Variants in NSFL1C observed in about 807,000 individuals in gnomAD.
The protein encoded by NSFL1C is NSFL1 cofactor p47.
NSFL1C carries 14 observed loss-of-function variants against 43.1 expected under a neutral mutation model. That is an observed-to-expected ratio of 0.32 (90% CI 0.21 to 0.51). The LOEUF (loss-of-function observed/expected upper bound fraction) is 0.51. Among genes scored for constraint, NSFL1C ranks in the 20% least tolerant of loss-of-function variants. The pLI is 0.98. For missense variants in NSFL1C, 406 were observed against 472.5 expected, an observed-to-expected ratio of 0.86 and a Z score of 1.30; for synonymous variants, 171 against 183.5, an observed-to-expected ratio of 0.93 and a Z score of 0.55.
chr20:1,461,931 C>T (rs1189635647), intron 2 of NSFL1C, among the ~76,000 whole-genome samples: 2 of 152,192 alleles, frequency 1.3e-5, no homozygotes, highest in Non-Finnish European at 2.9e-5. Context: ...CAATGGTTAA[C>T]ATTTTTATGT....
chr20:1,451,718 C>T (rs1381332888), intron 7 of NSFL1C, among the ~76,000 whole-genome samples: 2 of 152,138 alleles, frequency 1.3e-5, no homozygotes, highest in Non-Finnish European at 1.5e-5. Context: ...TATGGGCTGG[C>T]CAAGAGTCTG....
At chr20:1,443,979 C>A in intron 8 of NSFL1C, 68 bp from the exon 9 acceptor site, 1 of 1,486,246 alleles carries the variant, frequency 6.7e-7, no homozygotes, top group Non-Finnish European at 9.1e-7. Context: ...CTGTGGAAAG[C>A]TAAACACCTC....
chr20:1,442,769 G>A lies in NSFL1C; in HGVS notation c.*980C>T, dbSNP rs961369232. 3.3e-5 allele frequency: 5 copies of A among 152,236 alleles called. No individual in the cohort carries two copies. Among genetic ancestry groups the A allele is most frequent in the African/African-American group, 1.2e-4 (5 of 41,452 alleles). The allele number at this position is 152,236 out of a possible 1,614,324, so 9.4% of individuals were successfully genotyped here. ...AAAACATACCCAGCAGAAGCCTCCT[G>A]CAAGTACCAACAGTGACAGGTGCTT... is the stretch of plus-strand genomic sequence containing the variant. On this transcript the variant is annotated 3_prime_UTR_variant, in exon 9 of 9. Transcript: ENST00000216879.
chr20:1,445,549 G>A, intron 8 of NSFL1C, 117 bp downstream of exon 8: 1 of 1,194,802 alleles, frequency 8.4e-7, no homozygotes, highest in South Asian at 1.4e-5. Flanking sequence ...CTGCTTTGGG[G>A]AAAGCATGGA....
In NSFL1C at chr20:1,443,119, TGGCAA is replaced by T. The variant is rs1215029452; in HGVS notation, c.*625_*629del. The T allele has an allele frequency of 6.6e-6, 1 of 152,256 alleles. No individual in the cohort carries two copies. Among genetic ancestry groups the T allele is most frequent in the Non-Finnish European group, 1.5e-5 (1 of 68,102 alleles). 9.4% of individuals were successfully genotyped at this position (152,256 alleles called of 1,614,324 possible). A position where few individuals can be genotyped will look rare whatever the true frequency, so the allele number is the denominator to read the frequency against. Reference sequence around the variant, plus strand: ...AACAGAATCTCAACTGGCCAAGACCTGGCAAGATTAGATACCCCAGGGGTTGAGTA... The same window carrying T: ...AACAGAATCTCAACTGGCCAAGACCTGATTAGATACCCCAGGGGTTGAGTA... On this transcript the variant is annotated 3_prime_UTR_variant, in exon 9 of 9. Coordinates refer to ENST00000216879, the MANE Select transcript of NSFL1C (RefSeq NM_016143.5).
intron 7 of NSFL1C, among the ~76,000 whole-genome samples, chr20:1,450,753 G>C (rs998136920): frequency 9.9e-5 from 15 of 152,214 alleles, no homozygotes; most frequent in African/African-American, 3.4e-4. Flanking sequence ...AGTGTACAAA[G>C]ATTTAATCAC....
chr20:1,458,922 A>G (rs1396373499), intron 2 of NSFL1C, among the ~76,000 whole-genome samples: 1 of 152,090 alleles, frequency 6.6e-6, no homozygotes, highest in Admixed American at 6.6e-5. Flanking sequence ...TTATTTTTAG[A>G]AAAAAAGCAG....
intron 7 of NSFL1C, among the ~76,000 whole-genome samples, chr20:1,451,838 A>G (rs963897617): frequency 2.0e-5 from 3 of 152,250 alleles, no homozygotes; most frequent in African/African-American, 7.2e-5. Flanking sequence ...AGGAGTGAGA[A>G]GGCAGTAGCA....
intron 7 of NSFL1C, among the ~76,000 whole-genome samples, chr20:1,449,609 G>A (rs1488911360): frequency 6.6e-6 from 1 of 152,196 alleles, no homozygotes; most frequent in East Asian, 1.9e-4. Context: ...CTGCAGCTGT[G>A]AGGGTGCTTG....
chr20:1,455,049 T>A lies in NSFL1C; in HGVS notation c.362A>T (p.Asp121Val). Residue 121 changes from aspartate to valine, a missense_variant, in exon 4 of 9, where the codon GAT becomes GTT. Around this residue, in one of 3 missense-constraint regions of NSFL1C, gnomAD observed 203 missense variants for 216.3 expected, o/e 0.94. Transcript: ENST00000216879. ...ATGCTCTTTGGCACCTTTAAAGAGA[T>A]CATCCACCAGCTCGTTGGGACTTTT... ...RKKSPNELVD[D>V]LFKGAKEHGA... 6.2e-7 allele frequency: 1 copy of A among 1,614,132 alleles called. No individual in the cohort carries two copies. The highest frequency in any genetic ancestry group is 2.2e-5 in the East Asian group (1 of 44,878).
intron 5 of NSFL1C, among the ~76,000 whole-genome samples, chr20:1,453,425 G>A (rs964922969): frequency 6.6e-6 from 1 of 152,176 alleles, no homozygotes; most frequent in African/African-American, 2.4e-5. Flanking sequence ...CTCTGGGCAG[G>A]TGACTCAATC....
At chr20:1,458,376 G>C in intron 2 of NSFL1C, 102 bp from the exon 3 acceptor site, 2 of 914,038 alleles carry the variant, frequency 2.2e-6, no homozygotes, top group Non-Finnish European at 3.6e-6. Context: ...TTACATTTTT[G>C]GTAGGCGAGA....
rs1463116009 is a variant in NSFL1C, at chr20:1,453,147, T to C, written c.538-7A>G. The stretch of plus-strand genomic sequence containing the variant: ...GTTTCAATACTACATGAACCTGTGA[T>C]GACAGGGAGTAAACAGTTACCAGGG... On this transcript the variant is annotated splice_polypyrimidine_tract_variant and splice_region_variant and intron_variant, in intron 5 of 8. Transcript: ENST00000216879. 6.0e-6 allele frequency: 9 copies of C among 1,491,922 alleles called. No individual in the cohort carries two copies. Among genetic ancestry groups the C allele is most frequent in the Non-Finnish European group, 7.5e-6 (8 of 1,068,626 alleles). 92.4% of individuals were successfully genotyped at this position (1,491,922 alleles called of 1,614,324 possible).
chr20:1,444,110 A>G (rs1337776078), intron 8 of NSFL1C, among the ~76,000 whole-genome samples, 199 bp from the exon 9 acceptor site: 1 of 152,128 alleles, frequency 6.6e-6, no homozygotes, highest in Non-Finnish European at 1.5e-5. Flanking sequence ...TGAGATAAAC[A>G]CCAACAACCC....
At position 1,464,962 on chromosome 20, in the gene NSFL1C, C is replaced by T. The variant is rs542121871; in HGVS notation, c.106-536G>A. ...TTCCAGTACAGCCCGGAGTCAGGAA[C>T]TGTGGAGTCAGTCCAGGTTGCTACT... On this transcript the variant is annotated intron_variant, in intron 1 of 8. Transcript: ENST00000216879. 8.5e-5 allele frequency among the ~76,000 whole-genome samples: 13 copies of T among 152,318 alleles called. No individual in the cohort carries two copies. In the South Asian group the frequency reaches 2.7e-3, roughly 32 times the overall value.
At chr20:1,460,155 A>G (rs1363914011) in intron 2 of NSFL1C, among the ~76,000 whole-genome samples, 1 of 152,110 alleles carries the variant, frequency 6.6e-6, no homozygotes, top group Non-Finnish European at 1.5e-5. Flanking sequence ...CACAGCACCA[A>G]CCTATGGGCT....
At chr20:1,454,550 AG>A in intron 4 of NSFL1C, among the ~76,000 whole-genome samples, 1 of 152,388 alleles carries the variant, frequency 6.6e-6, no homozygotes, top group East Asian at 1.9e-4. Context: ...GCCTGGCTAA[AG>A]GAAACAGATG....
chr20:1,451,306 A>C (rs1327078236), intron 7 of NSFL1C, among the ~76,000 whole-genome samples: 1 of 152,240 alleles, frequency 6.6e-6, no homozygotes, highest in African/African-American at 2.4e-5. Context: ...CAGGCAGGTA[A>C]GGGATTCCAG....
rs762007821 is a variant in NSFL1C at position 1,455,026 on chromosome 20, G to A, written c.385C>T (p.His129Tyr). Residue 129 changes from histidine to tyrosine, a missense_variant, in exon 4 of 9, where the codon CAT (histidine) becomes TAT (tyrosine). By Grantham distance (83) the His-to-Tyr change is moderately conservative. This residue lies in a region of NSFL1C where 203 missense variants were observed against 216.3 expected (regional missense o/e 0.94). Transcript: ENST00000216879. ...VDDLFKGAKEHGAVAVERVTK... is the reference protein window; with the variant it reads ...VDDLFKGAKEYGAVAVERVTK... ...ACTCGCTCCACAGCTACAGCTCCAT[G>A]CTCTTTGGCACCTTTAAAGAGATCA... 9.3e-6 allele frequency: 15 copies of A among 1,613,980 alleles called. No individual in the cohort carries two copies. In the African/African-American group the frequency reaches 2.0e-4, roughly 22 times the overall value.
Sources: gnomAD v4.1 joint callset for allele counts (sites outside exome capture counted in the v4.1 genomes callset) on GRCh38, gnomAD v4.1.1 for gene constraint, gnomAD v4.1.1 regional missense constraint, MANE v1.5 for transcripts, NCBI Gene and HGNC (gene_info 2026-07-23, HGNC 2026-07-21) for gene names.